Variants in PCDHGB7 observed in about 807,000 individuals in gnomAD.
The protein encoded by PCDHGB7 is protocadherin gamma subfamily B, 7.
A neutral mutation model predicts 61.4 loss-of-function variants in PCDHGB7; 37 were observed. The ratio of observed to expected loss-of-function variants is 0.60; its 90% CI spans 0.46 to 0.79. The LOEUF (loss-of-function observed/expected upper bound fraction) is 0.79, where lower values mean the gene tolerates loss of function less well. Ranked by LOEUF, PCDHGB7 falls within the 30% of genes least tolerant of loss-of-function variation. The pLI is 0.00. For synonymous variants in PCDHGB7, 464 were observed against 503.5 expected (o/e 0.92, Z 1.05); for missense variants, 1,166 against 1,202.5 (o/e 0.97, Z 0.45).
chr5:141,421,069 A>T, intron 1 of PCDHGB7: 1 of 598,532 alleles, frequency 1.7e-6, no homozygotes, highest in Non-Finnish European at 2.8e-6. Context: ...AAGCGGAATG[A>T]GATGGATACT....
intron 1 of PCDHGB7, among the ~76,000 whole-genome samples, chr5:141,453,217 G>A (rs770914741): frequency 1.2e-4 from 19 of 152,100 alleles, no homozygotes; most frequent in Admixed American, 1.0e-3. Context: ...GCACTTAAGC[G>A]ATCCTCCCAC....
intron 3 of PCDHGB7, 152 bp from the exon 4 acceptor site, chr5:141,510,795 G>C (rs994874330): frequency 9.3e-5 from 136 of 1,465,100 alleles, no homozygotes; most frequent in Admixed American, 1.7e-4. Flanking sequence ...CTTGTGAAGA[G>C]AGACTACCTT....
At chr5:141,439,934 G>T (rs1477526863) in intron 1 of PCDHGB7, 2 of 152,382 alleles carry the variant, frequency 1.3e-5, no homozygotes, top group Admixed American at 1.3e-4. Context: ...ATCCTGCTGG[G>T]CATTCTCTAT....
intron 1 of PCDHGB7, chr5:141,478,871 T>C: frequency 2.4e-6 from 3 of 1,274,796 alleles, no homozygotes; most frequent in Non-Finnish European, 3.1e-6. Flanking sequence ...GCGATCAGAG[T>C]TTAGCTTGGT....
intron 1 of PCDHGB7, among the ~76,000 whole-genome samples, chr5:141,448,855 G>A (rs2098611434): frequency 6.6e-6 from 1 of 152,172 alleles, no homozygotes. Context: ...TGAGGCAGGA[G>A]AATGGCGTGA....
At chr5:141,423,126 G>A (rs1397550571) in intron 1 of PCDHGB7, 1 of 1,613,622 alleles carries the variant, frequency 6.2e-7, no homozygotes, top group Non-Finnish European at 8.5e-7. Context: ...CGCGGGCACT[G>A]CTGGACAGAG....
rs553104661 is a variant in PCDHGB7 at position 141,460,009 on chromosome 5, C to T, written c.2416-34798C>T. ...AGGAGAATCGCTTGAACCCAGGAGG[C>T]GGAGGTTGCAGTGAGCCGAGACTGC... On this transcript the variant is annotated intron_variant, in intron 1 of 3. Coordinates refer to ENST00000398594, the MANE Select transcript of PCDHGB7 (RefSeq NM_018927.4). 9.9e-4 allele frequency among the ~76,000 whole-genome samples: 150 copies of T among 152,212 alleles called. 1 individual carries two copies. The highest frequency in any genetic ancestry group is 3.4e-3 in the Middle Eastern group (1 of 294).
chr5:141,491,247 G>A lies in PCDHGB7; in HGVS notation c.2416-3560G>A, dbSNP rs1356752106. ...CAGTGCTGCTGGTTCTGGAGGATGA[G>A]GACCCTGAGGAAATGCCCAAATCCA... On this transcript the variant is annotated intron_variant, in intron 1 of 3. Coordinates refer to ENST00000398594, the MANE Select transcript of PCDHGB7 (RefSeq NM_018927.4). The surrounding 1 kb of genome is among the most constrained non-coding windows in gnomAD (Gnocchi z 6.9). The A allele has an allele frequency of 3.2e-5, 51 of 1,614,192 alleles. No individual in the cohort carries two copies. The highest frequency in any genetic ancestry group is 4.3e-5 in the Non-Finnish European group (51 of 1,180,018).
Position 141,431,354 on chromosome 5 carries a change from G to A in PCDHGB7, c.2415+11080G>A, listed in dbSNP as rs777198567. On this transcript the variant is annotated intron_variant, in intron 1 of 3. Coordinates refer to ENST00000398594, the MANE Select transcript of PCDHGB7 (RefSeq NM_018927.4). This position sits in a 1 kb window ranked among gnomAD's most constrained non-coding sequence, Gnocchi z 4.8. ...GTACCCCGAATTGGTGCTGAAACGC[G>A]CCCTGGACCGCGAAGAAAAGGCTGC... is the stretch of plus-strand genomic sequence containing the variant. 1 of 1,614,036 alleles carries A rather than the reference G, an allele frequency of 6.2e-7. No homozygotes were observed. Among genetic ancestry groups the A allele is most frequent in the South Asian group, 1.1e-5 (1 of 91,086 alleles).
chr5:141,462,375 T>G (rs2099038282), intron 1 of PCDHGB7, among the ~76,000 whole-genome samples: 1 of 152,252 alleles, frequency 6.6e-6, no homozygotes, highest in Non-Finnish European at 1.5e-5. Context: ...TTCTATTCTT[T>G]TAAATTCGTT....
intron 3 of PCDHGB7, among the ~76,000 whole-genome samples, chr5:141,509,907 C>T (rs149338646): frequency 3.3e-5 from 5 of 152,182 alleles, no homozygotes; most frequent in South Asian, 2.1e-4. Context: ...TTCCAGCATG[C>T]GCTTAGGTAC....
Position 141,417,858 on chromosome 5 carries a change from C to A in PCDHGB7, c.-2C>A, listed in dbSNP as rs561149517. 2 of 1,547,240 alleles carry A rather than the reference C, an allele frequency of 1.3e-6. No individual in the cohort carries two copies. The highest frequency in any genetic ancestry group is 1.4e-5 in the African/African-American group (1 of 73,022). ...GGGACCCAGCGAGAACCCGAGCGAA[C>A]GATGGGAGGGAGCTGCGCGCAGAGG... On this transcript the variant is annotated 5_prime_UTR_variant, in exon 1 of 4. Coordinates refer to ENST00000398594, the MANE Select transcript of PCDHGB7 (RefSeq NM_018927.4).
At chr5:141,445,938 G>A (rs2098482293) in intron 1 of PCDHGB7, among the ~76,000 whole-genome samples, 1 of 152,196 alleles carries the variant, frequency 6.6e-6, no homozygotes, top group Non-Finnish European at 1.5e-5. Flanking sequence ...GAATTATTAA[G>A]CTTACTCTGG....
chr5:141,426,488 T>G, intron 1 of PCDHGB7: 1 of 328,024 alleles, frequency 3.0e-6, no homozygotes, highest in Non-Finnish European at 6.1e-6. Context: ...AACCTTAGAG[T>G]TAGTGCAGAG....
At chr5:141,479,056 A>G (rs952560687) in intron 1 of PCDHGB7, among the ~76,000 whole-genome samples, 1 of 152,098 alleles carries the variant, frequency 6.6e-6, no homozygotes, top group Admixed American at 6.5e-5. Context: ...TTCTCAGATA[A>G]TTTTTTATGA....
At chr5:141,425,457 T>G (rs936918643) in intron 1 of PCDHGB7, among the ~76,000 whole-genome samples, 6 of 152,318 alleles carry the variant, frequency 3.9e-5, no homozygotes, top group Admixed American at 6.5e-5. Flanking sequence ...ACCATCACAT[T>G]TCATGTTATT....
chr5:141,473,925 T>C (rs1338065496), intron 1 of PCDHGB7, among the ~76,000 whole-genome samples: 1 of 152,124 alleles, frequency 6.6e-6, no homozygotes, highest in East Asian at 1.9e-4. Context: ...AACTATGAGC[T>C]GGGTGCAGTA....
intron 1 of PCDHGB7, among the ~76,000 whole-genome samples, chr5:141,472,590 C>T (rs1161871973): frequency 6.6e-6 from 1 of 151,908 alleles, no homozygotes; most frequent in Non-Finnish European, 1.5e-5. Flanking sequence ...GTCAGAAGCT[C>T]TCTTGAAATT....
chr5:141,448,118 G>A (rs1356488538), intron 1 of PCDHGB7, among the ~76,000 whole-genome samples: 1 of 151,534 alleles, frequency 6.6e-6, no homozygotes, highest in East Asian at 1.9e-4. Flanking sequence ...AAGAAAATTA[G>A]CCTCCCCCAC....
Sources: allele counts gnomAD v4.1 joint callset (sites outside exome capture counted in the v4.1 genomes callset), GRCh38; gene constraint gnomAD v4.1.1; non-coding constraint Gnocchi (gnomAD v3.1); transcripts MANE v1.5; gene names NCBI Gene and HGNC (gene_info 2026-07-23, HGNC 2026-07-21).